The following UBE3A variants were observed in gnomAD, a reference collection of about 807,000 sequenced individuals.
UBE3A encodes the protein ubiquitin protein ligase E3A.
UBE3A carries 6 observed loss-of-function variants against 83.4 expected under a neutral mutation model. The ratio of observed to expected loss-of-function variants is 0.07; its 90% CI spans 0.04 to 0.14. The LOEUF (loss-of-function observed/expected upper bound fraction) is 0.14, where lower values mean the gene tolerates loss of function less well. Among genes scored for constraint, UBE3A ranks in the 10% least tolerant of loss-of-function variants. The pLI is 1.00. For missense variants in UBE3A, 456 were observed against 1,036.1 expected, an observed-to-expected ratio of 0.44 and a Z score of 7.69; for synonymous variants, 337 against 355.4, an observed-to-expected ratio of 0.95 and a Z score of 0.58.
chr15:25,419,229 A>G (rs1888510169), intron 1 of UBE3A: 1 of 152,214 alleles, frequency 6.6e-6, no homozygotes, highest in South Asian at 2.1e-4. Flanking sequence ...ACTAAGTTTT[A>G]GTTAACATAC....
intron 4 of UBE3A, among the ~76,000 whole-genome samples, chr15:25,403,726 T>G (rs1184249911): frequency 2.0e-5 from 3 of 152,132 alleles, no homozygotes; most frequent in Non-Finnish European, 4.4e-5. Context: ...GGTAAATGGA[T>G]AAGCAAAATG....
intron 1 of UBE3A, among the ~76,000 whole-genome samples, chr15:25,414,463 T>C (rs1277862474): frequency 6.6e-6 from 1 of 152,168 alleles, no homozygotes. Context: ...GCAATAACAA[T>C]GCACAGTTAA....
intron 11 of UBE3A, among the ~76,000 whole-genome samples, chr15:25,350,293 T>C (rs2076306638): frequency 1.4e-5 from 2 of 147,866 alleles, no homozygotes; most frequent in South Asian, 2.1e-4. Flanking sequence ...AGAGACTTTG[T>C]CTCTTTAAAA....
intron 4 of UBE3A, among the ~76,000 whole-genome samples, chr15:25,384,472 A>G (rs902345449): frequency 6.6e-6 from 1 of 151,550 alleles, no homozygotes; most frequent in Non-Finnish European, 1.5e-5. Context: ...AAAAAAAAAA[A>G]AAAGAAAAAG....
chr15:25,439,013 G>A lies in UBE3A; in HGVS notation c.-689C>T, dbSNP rs1419339975. On this transcript the variant is annotated 5_prime_UTR_variant, in exon 1 of 13. Coordinates refer to ENST00000648336, the MANE Select transcript of UBE3A (RefSeq NM_130839.5). ...CACGGATCTCGCGGCCGCGGCGCAA[G>A]ACGGGAGGACTGGCTGGGCGGGCCG... 6.6e-6 allele frequency: 1 copy of A among 152,054 alleles called. No homozygotes were observed. The highest frequency in any genetic ancestry group is 1.5e-5 in the Non-Finnish European group (1 of 68,002). 9.4% of individuals were successfully genotyped at this position (152,054 alleles called of 1,614,324 possible).
intron 1 of UBE3A, among the ~76,000 whole-genome samples, chr15:25,430,944 A>C (rs1438157940): frequency 6.6e-6 from 1 of 152,196 alleles, no homozygotes; most frequent in African/African-American, 2.4e-5. Context: ...ATAAGACCAC[A>C]AGATCTTTTC....
At chr15:25,428,243 A>G (rs1049253638) in intron 1 of UBE3A, among the ~76,000 whole-genome samples, 5 of 152,214 alleles carry the variant, frequency 3.3e-5, no homozygotes, top group Non-Finnish European at 7.3e-5. Context: ...AAAATTTTAA[A>G]AATTCAATAC....
intron 1 of UBE3A, among the ~76,000 whole-genome samples, chr15:25,421,754 C>G (rs1166392483): frequency 6.6e-6 from 1 of 151,974 alleles, no homozygotes; most frequent in Non-Finnish European, 1.5e-5. Context: ...AAAAACACTG[C>G]AATGGGATAC....
At chr15:25,411,203 T>C (rs988145914) in intron 2 of UBE3A, among the ~76,000 whole-genome samples, 2 of 152,164 alleles carry the variant, frequency 1.3e-5, no homozygotes, top group South Asian at 2.1e-4. Context: ...AGTTTCCTTA[T>C]AGGTAGAACT....
chr15:25,429,648 G>T (rs1892468999), intron 1 of UBE3A, among the ~76,000 whole-genome samples: 1 of 151,934 alleles, frequency 6.6e-6, no homozygotes, highest in South Asian at 2.1e-4. Context: ...CAGGAGTCAA[G>T]ACCAGGCTGG....
In UBE3A at chr15:25,353,029, G is replaced by T. The variant is rs192302873; in HGVS notation, c.2354+1324C>A. ...GATATGTTCAACTATTCTCAGAGAT[G>T]CATCAAGATATGACTTTTTTTCCTA... On this transcript the variant is annotated intron_variant, in intron 11 of 12. Transcript: ENST00000648336. Among the ~76,000 whole-genome samples, 6 of 152,266 alleles carry T rather than the reference G, an allele frequency of 3.9e-5. No individual in the cohort carries two copies. In the East Asian group the frequency reaches 1.2e-3, roughly 29 times the overall value.
chr15:25,368,634 T>C (rs2079738267), intron 6 of UBE3A, among the ~76,000 whole-genome samples: 1 of 152,110 alleles, frequency 6.6e-6, no homozygotes, highest in Non-Finnish European at 1.5e-5. Flanking sequence ...TATTATCTAA[T>C]TTTGATATAA....
intron 7 of UBE3A, among the ~76,000 whole-genome samples, chr15:25,357,131 A>G (rs892131056): frequency 2.0e-5 from 3 of 152,200 alleles, no homozygotes; most frequent in Admixed American, 1.3e-4. Flanking sequence ...GGAATAAAGT[A>G]GTAAGTAATT....
In UBE3A at chr15:25,427,286, C is replaced by G. The variant is rs560395315; in HGVS notation, c.-165+11203G>C. ...CAGTATAATATAAAGAAGCCCCAAA[C>G]CAATGAGTGCAAAAAGAAAGACTCT... On this transcript the variant is annotated intron_variant, in intron 1 of 12. Transcript: ENST00000648336. 2.5e-4 allele frequency among the ~76,000 whole-genome samples: 38 copies of G among 151,986 alleles called. No individual in the cohort carries two copies. The South Asian group carries it at 6.0e-3, about 24-fold the overall frequency.
At chr15:25,413,083 AATATACCAAATCT>A (rs1268772884) in intron 1 of UBE3A, 3 of 425,554 alleles carry the variant, frequency 7.0e-6, no homozygotes, top group African/African-American at 6.3e-5. Context: ...TCATGGAGGA[AATATACCAAATCT>A]ATAAAAATAC....
chr15:25,363,877 A>G (rs1171513272), intron 6 of UBE3A, among the ~76,000 whole-genome samples: 9 of 151,964 alleles, frequency 5.9e-5, no homozygotes, highest in Non-Finnish European at 1.0e-4. Flanking sequence ...CACATAAGTG[A>G]TTTCATAAAA....
chr15:25,408,470 C>T (rs2089224601), intron 3 of UBE3A: 18 of 1,101,448 alleles, frequency 1.6e-5, no homozygotes, highest in Middle Eastern at 2.0e-4. Context: ...AAAACTGAAA[C>T]AATAACCAAA....
chr15:25,359,177 TC>T (rs2077638984), intron 7 of UBE3A, among the ~76,000 whole-genome samples: 2 of 152,216 alleles, frequency 1.3e-5, no homozygotes, highest in African/African-American at 4.8e-5. Flanking sequence ...CTATGTTTTT[TC>T]TTACAAGTAT....
intron 11 of UBE3A, chr15:25,354,129 G>C (rs1489832058): frequency 3.4e-6 from 2 of 587,352 alleles, no homozygotes; most frequent in Non-Finnish European, 6.0e-6. Flanking sequence ...GCCAAATGCA[G>C]GAGATTACAT....
Sources: allele counts gnomAD v4.1 joint callset (sites outside exome capture counted in the v4.1 genomes callset), GRCh38; gene constraint gnomAD v4.1.1; transcripts MANE v1.5; gene names NCBI Gene and HGNC (gene_info 2026-07-23, HGNC 2026-07-21).